ZNF652: variants seen among roughly 807,000 people sequenced by gnomAD.
ZNF652 encodes the protein zinc finger protein 652.
A neutral mutation model predicts 45.2 loss-of-function variants in ZNF652; 16 were observed. The observed-to-expected ratio is 0.35, with a 90% CI of 0.24 to 0.54. The LOEUF is 0.54. ZNF652 is among the 20% of genes least tolerant of loss of function. ZNF652 has a pLI of 0.91. For synonymous variants in ZNF652, 250 were observed against 260.6 expected, an observed-to-expected ratio of 0.96 and a Z score of 0.39; for missense variants, 614 against 765.6, an observed-to-expected ratio of 0.80 and a Z score of 2.34.
At chr17:49,309,870 G>A (rs987832791) in intron 5 of ZNF652, among the ~76,000 whole-genome samples, 2 of 152,144 alleles carry the variant, frequency 1.3e-5, no homozygotes, top group Non-Finnish European at 2.9e-5. Context: ...ACAGAGAACT[G>A]GGAACTAAAG....
chr17:49,312,546 T>C (rs1405676191), intron 3 of ZNF652, 152 bp downstream of exon 3: 1 of 738,842 alleles, frequency 1.4e-6, no homozygotes, highest in Admixed American at 2.9e-5. Context: ...TACCATCCAA[T>C]TTGGTGATAC....
intron 1 of ZNF652, among the ~76,000 whole-genome samples, chr17:49,354,683 A>G (rs1238973448): frequency 6.6e-6 from 1 of 151,878 alleles, no homozygotes; most frequent in Non-Finnish European, 1.5e-5. Flanking sequence ...ATCTTCATAT[A>G]TAAAACACCA....
intron 1 of ZNF652, among the ~76,000 whole-genome samples, chr17:49,318,670 A>T (rs2069844961): frequency 6.6e-6 from 1 of 152,192 alleles, no homozygotes; most frequent in South Asian, 2.1e-4. Context: ...CAAGATCTTT[A>T]CAGTCTAGTT....
chr17:49,346,896 T>C (rs979278971), intron 1 of ZNF652, among the ~76,000 whole-genome samples: 1 of 152,166 alleles, frequency 6.6e-6, no homozygotes, highest in Non-Finnish European at 1.5e-5. Context: ...TATTTCCCAC[T>C]AAAAGGAAAC....
intron 1 of ZNF652, among the ~76,000 whole-genome samples, chr17:49,349,267 C>CA: frequency 6.6e-6 from 1 of 152,056 alleles, no homozygotes; most frequent in African/African-American, 2.4e-5. Flanking sequence ...ACTAAAAATA[C>CA]AAAAATTTGC....
chr17:49,340,000 G>C (rs983924528), intron 1 of ZNF652, among the ~76,000 whole-genome samples: 1 of 152,130 alleles, frequency 6.6e-6, no homozygotes, highest in Admixed American at 6.6e-5. Context: ...TCAAAGTGCC[G>C]GGATTACAGG....
At chr17:49,300,358 G>A (rs577392032) in intron 5 of ZNF652, among the ~76,000 whole-genome samples, 15 of 152,236 alleles carry the variant, frequency 9.9e-5, no homozygotes, top group South Asian at 6.2e-4. Context: ...TTGAGGACCA[G>A]TGGGCCAGCG....
At chr17:49,331,978 AATAAAATAAAAT>A (rs1413447973) in intron 1 of ZNF652, among the ~76,000 whole-genome samples, 1 of 151,928 alleles carries the variant, frequency 6.6e-6, no homozygotes, top group Non-Finnish European at 1.5e-5. Flanking sequence ...CAAAAAATAA[AATAAAATAAAAT>A]ATAAAATAAA....
intron 1 of ZNF652, among the ~76,000 whole-genome samples, chr17:49,333,069 T>C (rs956651847): frequency 2.0e-5 from 3 of 151,778 alleles, no homozygotes; most frequent in African/African-American, 7.2e-5. Context: ...AATAATTTTT[T>C]TTTTTTGAGA....
At chr17:49,322,768 C>T (rs1192563537) in intron 1 of ZNF652, among the ~76,000 whole-genome samples, 3 of 152,130 alleles carry the variant, frequency 2.0e-5, no homozygotes, top group African/African-American at 4.8e-5. Context: ...ACCTGTAGTC[C>T]GAGCTACTCG....
rs75523727 is a variant in ZNF652, at chr17:49,330,613, C to T, written c.-258-12630G>A. Among the ~76,000 whole-genome samples, 840 of 151,868 alleles carry T rather than the reference C, an allele frequency of 5.5e-3. 4 individuals are homozygous for T. Among genetic ancestry groups the T allele is most frequent in the African/African-American group, 0.019 (799 of 41,406 alleles). ...ATCCACCCGCCTCGGCCTCCCAAAGCGTTAGGTTTACAGGTGTTTACAGGT... is the reference window on the plus strand; with the variant it reads ...ATCCACCCGCCTCGGCCTCCCAAAGTGTTAGGTTTACAGGTGTTTACAGGT... On this transcript the variant is annotated intron_variant, in intron 1 of 5. Transcript: ENST00000430262.
intron 5 of ZNF652, among the ~76,000 whole-genome samples, chr17:49,308,912 T>C (rs758608595): frequency 6.6e-6 from 1 of 151,764 alleles, no homozygotes; most frequent in Non-Finnish European, 1.5e-5. Flanking sequence ...ATACTCAACA[T>C]AAATTTATAC....
intron 5 of ZNF652, among the ~76,000 whole-genome samples, chr17:49,300,694 CTGCTA>C (rs1418441149): frequency 1.3e-5 from 2 of 152,150 alleles, no homozygotes; most frequent in African/African-American, 4.8e-5. Flanking sequence ...ACATTAACTC[CTGCTA>C]TAAGAGCGTT....
rs1355497592 is a variant in ZNF652, at chr17:49,290,110, A to G, written c.*8303T>C. 6.6e-6 allele frequency: 1 copy of G among 152,192 alleles called. No individual in the cohort carries two copies. Among genetic ancestry groups the G allele is most frequent in the Non-Finnish European group, 1.5e-5 (1 of 68,050 alleles). 9.4% of individuals were successfully genotyped at this position (152,192 alleles called of 1,614,324 possible). A position where few individuals can be genotyped will look rare whatever the true frequency, so the allele number is the denominator to read the frequency against. Reference sequence around the variant, plus strand: ...AGTTTTGTTTTTTGTCAAGTGTTGGAGTTACAAGTAGACACCTCTCTGTGC... The same window carrying G: ...AGTTTTGTTTTTTGTCAAGTGTTGGGGTTACAAGTAGACACCTCTCTGTGC... On this transcript the variant is annotated 3_prime_UTR_variant, in exon 6 of 6. Transcript: ENST00000430262.
Position 49,298,341 on chromosome 17 carries a change from C to T in ZNF652, c.*72G>A. 1 of 1,572,192 alleles carries T rather than the reference C, an allele frequency of 6.4e-7. No individual in the cohort carries two copies. Among genetic ancestry groups the T allele is most frequent in the Non-Finnish European group, 8.6e-7 (1 of 1,156,594 alleles). ...GGAGAGTCTGAGAACTAAGGAAATG[C>T]TCACCGACTCCCTCTGTGCACGCTC... On this transcript the variant is annotated 3_prime_UTR_variant, in exon 6 of 6. Transcript: ENST00000430262.
At chr17:49,324,426 T>C (rs569100135) in intron 1 of ZNF652, among the ~76,000 whole-genome samples, 4 of 152,230 alleles carry the variant, frequency 2.6e-5, no homozygotes, top group Admixed American at 2.6e-4. Flanking sequence ...GAGTCTCACC[T>C]GTCACCCAGG....
chr17:49,327,214 G>C (rs916253229), intron 1 of ZNF652, among the ~76,000 whole-genome samples: 3 of 152,094 alleles, frequency 2.0e-5, no homozygotes, highest in Non-Finnish European at 2.9e-5. Context: ...CCAGGTTGGA[G>C]TGCAGTGGCA....
chr17:49,344,195 C>T (rs542490569), intron 1 of ZNF652, among the ~76,000 whole-genome samples: 1 of 122,372 alleles, frequency 8.2e-6, no homozygotes, highest in African/African-American at 2.9e-5. Flanking sequence ...AGCGAGACTC[C>T]GTTTCAAAAA....
rs1236291525 is a variant in ZNF652 at position 49,362,160 on chromosome 17, C to T, written c.-510G>A. 1 of 150,512 alleles carries T rather than the reference C, an allele frequency of 6.6e-6. No individual in the cohort carries two copies. Among genetic ancestry groups the T allele is most frequent in the South Asian group, 1.8e-4 (1 of 5,510 alleles). The allele number at this position is 150,512 out of a possible 1,614,324, so 9.3% of individuals were successfully genotyped here. On this transcript the variant is annotated 5_prime_UTR_variant, in exon 1 of 6. Coordinates refer to ENST00000430262, the MANE Select transcript of ZNF652 (RefSeq NM_001145365.3). The stretch of plus-strand genomic sequence containing the variant: ...TCCCAGCGCGCGAGGGCGAGCGGGG[C>T]CGGCGGGGCGGGCAGCGCGGGGCGG...
Sources: allele counts gnomAD v4.1 joint callset (sites outside exome capture counted in the v4.1 genomes callset), GRCh38; gene constraint gnomAD v4.1.1; transcripts MANE v1.5; gene names NCBI Gene and HGNC (gene_info 2026-07-23, HGNC 2026-07-21).